Variants in ZNF521 observed in about 807,000 individuals in gnomAD.
ZNF521 encodes zinc finger protein 521.
A neutral mutation model predicts 105.5 loss-of-function variants in ZNF521; 14 were observed. The ratio of observed to expected loss-of-function variants is 0.13; its 90% CI spans 0.09 to 0.21. The LOEUF (loss-of-function observed/expected upper bound fraction) is 0.21. Among genes scored for constraint, ZNF521 ranks in the 10% least tolerant of loss-of-function variants. ZNF521 has a pLI of 1.00. For missense variants in ZNF521, 1,233 were observed against 1,629.7 expected, an observed-to-expected ratio of 0.76 and a Z score of 4.19; for synonymous variants, 635 against 606.0, an observed-to-expected ratio of 1.05 and a Z score of -0.70.
chr18:25,277,434 C>G (rs1009442842), intron 3 of ZNF521, among the ~76,000 whole-genome samples: 6 of 151,942 alleles, frequency 3.9e-5, no homozygotes, highest in African/African-American at 1.5e-4. Context: ...AAAAAAAACC[C>G]CTACATAAAT....
intron 7 of ZNF521, among the ~76,000 whole-genome samples, chr18:25,078,872 G>T (rs921193526): frequency 3.9e-5 from 6 of 152,226 alleles, no homozygotes; most frequent in African/African-American, 1.4e-4. Context: ...GAAAGTGGGA[G>T]TGCAGAGGGC....
At chr18:25,196,317 A>C (rs1353560730) in intron 4 of ZNF521, among the ~76,000 whole-genome samples, 3 of 151,646 alleles carry the variant, frequency 2.0e-5, no homozygotes, top group African/African-American at 7.2e-5. Context: ...TTTCATTTGA[A>C]ATCATATAAA....
At chr18:25,148,162 AAG>A (rs2034980222) in intron 5 of ZNF521, among the ~76,000 whole-genome samples, 1 of 152,200 alleles carries the variant, frequency 6.6e-6, no homozygotes, top group Non-Finnish European at 1.5e-5. Flanking sequence ...AATGGGAAAA[AAG>A]ACTTAGATAG....
intron 5 of ZNF521, among the ~76,000 whole-genome samples, chr18:25,156,615 T>G (rs1189775737): frequency 6.6e-6 from 1 of 152,220 alleles, no homozygotes; most frequent in Non-Finnish European, 1.5e-5. Context: ...AAGAGTATTT[T>G]CTTCATCTGA....
At chr18:25,166,101 A>G (rs1380786544) in intron 5 of ZNF521, among the ~76,000 whole-genome samples, 3 of 152,202 alleles carry the variant, frequency 2.0e-5, no homozygotes, top group Non-Finnish European at 4.4e-5. Context: ...CATTTTTTAA[A>G]GTTTTCCTTT....
At chr18:25,195,573 A>AC (rs11382834) in intron 4 of ZNF521, among the ~76,000 whole-genome samples, 674 of 44,642 alleles carry the variant, frequency 0.015, 5 homozygotes, top group African/African-American at 0.036. Flanking sequence ...CATGCGTATT[A>AC]AAAAAAAATC....
intron 7 of ZNF521, among the ~76,000 whole-genome samples, chr18:25,065,468 C>T (rs1465058697): frequency 2.0e-5 from 3 of 152,036 alleles, no homozygotes; most frequent in South Asian, 2.1e-4. Context: ...TGTGTTTAGA[C>T]TTGGGTTGCA....
chr18:25,157,272 G>A (rs2035163899), intron 5 of ZNF521, among the ~76,000 whole-genome samples: 1 of 152,162 alleles, frequency 6.6e-6, no homozygotes, highest in Non-Finnish European at 1.5e-5. Context: ...ATGACAGATT[G>A]TTGCTACATA....
chr18:25,087,531 C>T (rs1321139872), intron 7 of ZNF521, among the ~76,000 whole-genome samples: 1 of 152,150 alleles, frequency 6.6e-6, no homozygotes, highest in Non-Finnish European at 1.5e-5. Flanking sequence ...AACTCTACAG[C>T]TTTGATTTTA....
intron 3 of ZNF521, among the ~76,000 whole-genome samples, chr18:25,282,826 A>T (rs911060595): frequency 6.6e-6 from 1 of 152,214 alleles, no homozygotes; most frequent in African/African-American, 2.4e-5. Context: ...AAATCCAGCA[A>T]GAATAAAGCA....
intron 3 of ZNF521, among the ~76,000 whole-genome samples, chr18:25,289,012 G>A (rs575233134): frequency 1.3e-5 from 2 of 152,182 alleles, no homozygotes; most frequent in Admixed American, 6.5e-5. Flanking sequence ...AGAATAAAAG[G>A]CAATAGCCAA....
intron 2 of ZNF521, among the ~76,000 whole-genome samples, chr18:25,328,374 G>A (rs901824438): frequency 6.7e-6 from 1 of 150,148 alleles, no homozygotes; most frequent in African/African-American, 2.5e-5. Context: ...GACGCTGAAT[G>A]GGAGGAAATT....
At chr18:25,096,558 A>G (rs1798554479) in intron 5 of ZNF521, among the ~76,000 whole-genome samples, 1 of 152,314 alleles carries the variant, frequency 6.6e-6, no homozygotes. Flanking sequence ...TGTGTGTCCC[A>G]TGTTTATACT....
chr18:25,104,485 G>A (rs2034031720), intron 5 of ZNF521, among the ~76,000 whole-genome samples: 1 of 152,148 alleles, frequency 6.6e-6, no homozygotes, highest in Admixed American at 6.5e-5. Context: ...GTCATATTTA[G>A]CTCACTTATT....
chr18:25,280,806 T>C (rs1479888185), intron 3 of ZNF521, among the ~76,000 whole-genome samples: 3 of 152,346 alleles, frequency 2.0e-5, no homozygotes, highest in Middle Eastern at 3.4e-3. Context: ...CCCAGCCTTC[T>C]AGGAATATAT....
chr18:25,237,944 A>G (rs1303284848), intron 3 of ZNF521, among the ~76,000 whole-genome samples: 1 of 152,208 alleles, frequency 6.6e-6, no homozygotes, highest in East Asian at 1.9e-4. Flanking sequence ...AAGATTTAAG[A>G]CCTGTGAGAA....
chr18:25,184,859 T>C (rs1439417204), intron 5 of ZNF521, among the ~76,000 whole-genome samples: 4 of 152,190 alleles, frequency 2.6e-5, no homozygotes, highest in South Asian at 4.1e-4. Context: ...TGCCCCTAAA[T>C]ACACATCTAA....
intron 3 of ZNF521, among the ~76,000 whole-genome samples, chr18:25,244,246 C>A (rs779739428): frequency 1.1e-4 from 16 of 151,850 alleles, no homozygotes; most frequent in Admixed American, 4.6e-4. Context: ...TCAACTTTCC[C>A]AGAGACATTC....
At chr18:25,174,702 T>C (rs192440762) in intron 5 of ZNF521, among the ~76,000 whole-genome samples, 13 of 152,298 alleles carry the variant, frequency 8.5e-5, no homozygotes, top group Non-Finnish European at 1.5e-4. Context: ...AGAATCACTT[T>C]CGTTCCAACT....
Sources: allele counts gnomAD v4.1 joint callset (sites outside exome capture counted in the v4.1 genomes callset), GRCh38; gene constraint gnomAD v4.1.1; transcripts MANE v1.5; gene names NCBI Gene and HGNC (gene_info 2026-07-23, HGNC 2026-07-21).